ATP8A2: variants seen among roughly 807,000 people sequenced by gnomAD.
ATP8A2 encodes ATPase phospholipid transporting 8A2.
A neutral mutation model predicts 165.6 loss-of-function variants in ATP8A2; 100 were observed. The ratio of observed to expected loss-of-function variants is 0.60; its 90% confidence interval spans 0.51 to 0.71. ATP8A2 has a LOEUF of 0.71. Among genes scored for constraint, ATP8A2 ranks in the 30% least tolerant of loss-of-function variants. The pLI is 0.00. For synonymous variants in ATP8A2, 543 were observed against 548.8 expected (o/e 0.99, Z 0.15); for missense variants, 1,227 against 1,479.5 (o/e 0.83, Z 2.80).
intron 34 of ATP8A2, among the ~76,000 whole-genome samples, 194 bp downstream of exon 34, chr13:25,961,857 A>G (rs2139186993): frequency 6.6e-6 from 1 of 152,242 alleles, no homozygotes; most frequent in Non-Finnish European, 1.5e-5. Flanking sequence ...AATATAGACA[A>G]CCATAACAAT....
At chr13:25,804,206 TG>T (rs1331184666) in intron 27 of ATP8A2, among the ~76,000 whole-genome samples, 1 of 152,142 alleles carries the variant, frequency 6.6e-6, no homozygotes, top group African/African-American at 2.4e-5. Context: ...CATTTTCTGC[TG>T]GGGGTGGGGT....
Position 25,530,652 on chromosome 13 carries a change from G to T in ATP8A2, c.412G>T (p.Glu138Ter). The T allele has an allele frequency of 6.3e-7, 1 of 1,577,892 alleles. No homozygotes were observed. ...AATTGCAGGCATCAAAGAGATTGTA[G>T]AAGATTTTGTAAGTTTTTGCTTTTG... is the stretch of plus-strand genomic sequence containing the variant. ...LTIAGIKEIV[E>*]DFKRHKADNA... The change falls in exon 4 of 37, where the codon GAA becomes TAA. Residue 138 changes from glutamate (E) to a stop codon, truncating the protein, a stop_gained. Coordinates refer to ENST00000381655, the MANE Select transcript of ATP8A2 (RefSeq NM_016529.6). LOFTEE classifies it high-confidence loss of function.
chr13:25,452,443 T>A (rs1445744659), intron 1 of ATP8A2, among the ~76,000 whole-genome samples: 2 of 152,224 alleles, frequency 1.3e-5, no homozygotes, highest in African/African-American at 4.8e-5. Flanking sequence ...CTGTTTTTTT[T>A]ATTCCCGCTT....
chr13:25,976,344 C>T (rs1330044291), intron 35 of ATP8A2, among the ~76,000 whole-genome samples: 1 of 152,136 alleles, frequency 6.6e-6, no homozygotes, highest in Non-Finnish European at 1.5e-5. Context: ...GCAGAAAAGG[C>T]GATGAGGCCT....
At chr13:25,405,619 A>T (rs1360915958) in intron 1 of ATP8A2, among the ~76,000 whole-genome samples, 1 of 152,132 alleles carries the variant, frequency 6.6e-6, no homozygotes, top group Non-Finnish European at 1.5e-5. Context: ...CAAACTTGTA[A>T]CCTGCCTCTC....
At chr13:25,567,256 TC>T in intron 16 of ATP8A2, 1 of 455,584 alleles carries the variant, frequency 2.2e-6, no homozygotes, top group Admixed American at 2.4e-5. Context: ...CTTGAGCCTG[TC>T]CTCTGTTGAT....
At chr13:25,577,683 A>G (rs1388230127) in intron 20 of ATP8A2, among the ~76,000 whole-genome samples, 1 of 152,192 alleles carries the variant, frequency 6.6e-6, no homozygotes, top group Non-Finnish European at 1.5e-5. Context: ...CCAAATCTAA[A>G]TGGTTTATCT....
intron 23 of ATP8A2, among the ~76,000 whole-genome samples, chr13:25,583,019 C>T (rs909301953): frequency 2.0e-5 from 3 of 152,282 alleles, no homozygotes; most frequent in African/African-American, 7.2e-5. Context: ...CAGCCATAGA[C>T]TTTGTCCCTG....
chr13:25,784,065 C>G (rs2138368633), intron 27 of ATP8A2, among the ~76,000 whole-genome samples: 1 of 152,290 alleles, frequency 6.6e-6, no homozygotes, highest in East Asian at 1.9e-4. Context: ...AAAATAGACT[C>G]TTACTGCCCT....
intron 25 of ATP8A2, among the ~76,000 whole-genome samples, chr13:25,743,842 G>A (rs2043969160): frequency 6.6e-6 from 1 of 152,168 alleles, no homozygotes; most frequent in South Asian, 2.1e-4. Flanking sequence ...GATGAATGAG[G>A]TGAAGGCGGT....
intron 27 of ATP8A2, among the ~76,000 whole-genome samples, chr13:25,825,509 C>T (rs1205550999): frequency 6.6e-6 from 1 of 151,954 alleles, no homozygotes; most frequent in Non-Finnish European, 1.5e-5. Context: ...AACAAGACAA[C>T]ATGTTAACTG....
chr13:25,975,414 A>G (rs1266429642), intron 35 of ATP8A2, among the ~76,000 whole-genome samples: 4 of 114,110 alleles, frequency 3.5e-5, no homozygotes, highest in Non-Finnish European at 8.1e-5. Flanking sequence ...CGTCTCTACT[A>G]AAAATACAAA....
chr13:25,814,644 T>G (rs958770659), intron 27 of ATP8A2, among the ~76,000 whole-genome samples: 1 of 147,750 alleles, frequency 6.8e-6, no homozygotes, highest in South Asian at 2.1e-4. Context: ...AAAAAGTCCT[T>G]TCAACGAATG....
intron 33 of ATP8A2, among the ~76,000 whole-genome samples, chr13:25,881,995 G>A (rs184875734): frequency 6.6e-6 from 1 of 152,092 alleles, no homozygotes; most frequent in South Asian, 2.1e-4. Flanking sequence ...CTGACCACTG[G>A]GGCAAAGAGA....
chr13:25,614,525 T>C (rs2040771622), intron 24 of ATP8A2, among the ~76,000 whole-genome samples: 1 of 152,292 alleles, frequency 6.6e-6, no homozygotes, highest in South Asian at 2.1e-4. Context: ...TTTTCTTGGT[T>C]TGGATCCATT....
At position 25,777,657 on chromosome 13, in the gene ATP8A2, T is replaced by TA. The variant is rs1012267124; in HGVS notation, c.2679+2707dup. Among the ~76,000 whole-genome samples the TA allele has an allele frequency of 3.2e-4, 49 of 151,520 alleles. 1 individual carries two copies. In the South Asian group the frequency reaches 4.0e-3, roughly 12 times the overall value. The stretch of plus-strand genomic sequence containing the variant: ...GTAGTCTAAAGGCAATTTGGCAAAT[T>TA]AAAAAAAAATACACATGTGTGCATG... On this transcript the variant is annotated intron_variant, in intron 27 of 36. Coordinates refer to ENST00000381655, the MANE Select transcript of ATP8A2 (RefSeq NM_016529.6).
chr13:25,863,058 C>T (rs1171952169), intron 33 of ATP8A2, among the ~76,000 whole-genome samples: 1 of 152,136 alleles, frequency 6.6e-6, no homozygotes, highest in African/African-American at 2.4e-5. Context: ...AATGAGCTGA[C>T]AGTCCTCTGG....
intron 34 of ATP8A2, among the ~76,000 whole-genome samples, chr13:25,963,686 A>G (rs918540449): frequency 1.3e-5 from 2 of 152,242 alleles, no homozygotes; most frequent in African/African-American, 2.4e-5. Context: ...TTGAGACTGT[A>G]TATTTGCAGA....
At chr13:25,576,258 T>C (rs2039615740) in intron 19 of ATP8A2, among the ~76,000 whole-genome samples, 1 of 152,144 alleles carries the variant, frequency 6.6e-6, no homozygotes, top group African/African-American at 2.4e-5. Flanking sequence ...TATAGTCCAT[T>C]GGGAACCACC....
Sources: gnomAD v4.1 joint callset for allele counts (sites outside exome capture counted in the v4.1 genomes callset) on GRCh38, gnomAD v4.1.1 for gene constraint, MANE v1.5 for transcripts, NCBI Gene and HGNC (gene_info 2026-07-23, HGNC 2026-07-21) for gene names.